CEP170B: variants seen among roughly 807,000 people sequenced by gnomAD.
CEP170B encodes the protein centrosomal protein of 170 kDa protein B.
CEP170B carries 55 observed loss-of-function variants against 120.6 expected under a neutral mutation model. The ratio of observed to expected loss-of-function variants is 0.46; its 90% confidence interval spans 0.37 to 0.57. The LOEUF (loss-of-function observed/expected upper bound fraction) is 0.57. CEP170B is among the 20% of genes least tolerant of loss of function. The pLI, the probability that CEP170B is intolerant of heterozygous loss-of-function variation, is 0.00. For synonymous variants in CEP170B, 1,033 were observed against 954.5 expected (o/e 1.08, Z -1.52); for missense variants, 2,212 against 2,253.3 (o/e 0.98, Z 0.37).
At position 104,869,173 on chromosome 14, in the gene CEP170B, CAA is replaced by C. The variant is rs898585925; in HGVS notation, c.105+620_105+621del. Among the ~76,000 whole-genome samples, 41 of 152,314 alleles carry C rather than the reference CAA, an allele frequency of 2.7e-4. 1 individual carries two copies. Among genetic ancestry groups the C allele is most frequent in the Admixed American group, 2.5e-3 (38 of 15,308 alleles). On this transcript the variant is annotated intron_variant, in intron 2 of 18. Coordinates refer to ENST00000414716, the MANE Select transcript of CEP170B (RefSeq NM_001112726.3). ...GGCTTGCGATCTGGCTGTTTGAGAA[CAA>C]AGAGCAGGGGTGGTGAGCTAACCCC...
At position 104,886,547 on chromosome 14, in the gene CEP170B, C is replaced by T. The variant is rs769873587; in HGVS notation, c.2308C>T (p.Arg770Cys). ...EPGVEPQDSR[R>C]RSPQEGPTWS... ...AGGGGTGGAGCCACAGGACAGCAGACGCAGGAGCCCCCAGGAGGGGCCCAC... is the reference window on the plus strand; with the variant it reads ...AGGGGTGGAGCCACAGGACAGCAGATGCAGGAGCCCCCAGGAGGGGCCCAC... The change falls in exon 12 of 19, where the codon CGC becomes TGC. Residue 770 changes from arginine to cysteine, a missense_variant. Arg to Cys is a radical substitution (Grantham distance 180). Coordinates refer to ENST00000414716, the MANE Select transcript of CEP170B (RefSeq NM_001112726.3). The T allele has an allele frequency of 1.1e-4, 164 of 1,508,592 alleles. No homozygotes were observed. The highest frequency in any genetic ancestry group is 1.3e-4 in the Non-Finnish European group (147 of 1,132,234). 93.5% of individuals were successfully genotyped at this position (1,508,592 alleles called of 1,614,324 possible).
In CEP170B at chr14:104,887,430, A is replaced by G. The variant is rs200248340; in HGVS notation, c.3191A>G (p.Asn1064Ser). 3.7e-6 allele frequency: 6 copies of G among 1,611,534 alleles called. No homozygotes were observed. In the East Asian group the frequency reaches 8.9e-5, roughly 24 times the overall value. Residue 1064 changes from asparagine to serine, a missense_variant, in exon 12 of 19, where the codon AAC (asparagine) becomes AGC (serine). Physicochemically the swap from Asn to Ser is conservative, Grantham distance 46. This residue lies in a region of CEP170B where 2,166 missense variants were observed against 2,166.7 expected (regional missense o/e 1.00). Transcript: ENST00000414716. The stretch of plus-strand genomic sequence containing the variant: ...CCCAGCTCAGATGTGATGGCCTCCA[A>G]CCACGAAACCCCTGAGGCCACCGGG... ...HLPSSDVMASNHETPEATGAG... is the reference protein window; with the variant it reads ...HLPSSDVMASSHETPEATGAG...
intron 4 of CEP170B, 48 bp from the exon 5 acceptor site, chr14:104,878,395 C>A (rs747849575): frequency 4.4e-6 from 7 of 1,593,840 alleles, no homozygotes; most frequent in Non-Finnish European, 3.4e-6. Context: ...GACTTCAGCG[C>A]TGGGCTCCTG....
Position 104,877,900 on chromosome 14 carries a change from A to T in CEP170B, c.211A>T (p.Met71Leu). The change falls in exon 4 of 19, where the codon ATG becomes TTG. Residue 71 changes from methionine (M) to leucine (L), a missense_variant. Coordinates refer to ENST00000414716, the MANE Select transcript of CEP170B (RefSeq NM_001112726.3). ...GSLNGTFVND[M>L]RIPDQKYVTL... ...TTTCCTGCAGACGTTTGTGAATGAC[A>T]TGCGCATCCCGGACCAGAAGTACGT... The T allele has an allele frequency of 7.2e-7, 1 of 1,381,176 alleles. No homozygotes were observed. The highest frequency in any genetic ancestry group is 9.7e-7 in the Non-Finnish European group (1 of 1,032,246). 85.6% of individuals were successfully genotyped at this position (1,381,176 alleles called of 1,614,324 possible).
intron 10 of CEP170B, 49 bp downstream of exon 10, chr14:104,885,591 C>T: frequency 6.6e-7 from 1 of 1,515,568 alleles, no homozygotes; most frequent in Non-Finnish European, 8.8e-7. Flanking sequence ...AGGAAGAGGG[C>T]AGCATCCAAG....
At chr14:104,885,293 G>T (rs1248533956) in intron 9 of CEP170B, 76 bp from the exon 10 acceptor site, 5 of 1,437,854 alleles carry the variant, frequency 3.5e-6, no homozygotes, top group Non-Finnish European at 3.7e-6. Flanking sequence ...GTGGCCTGGG[G>T]GTGGCCAGTG....
At chr14:104,880,513 C>G (rs566772270) in intron 6 of CEP170B, 88 bp downstream of exon 6, 3 of 1,537,598 alleles carry the variant, frequency 2.0e-6, no homozygotes, top group South Asian at 2.4e-5. Context: ...CCCCTTAACC[C>G]TCTGCATGCA....
chr14:104,888,071 C>A, intron 12 of CEP170B, 93 bp downstream of exon 12: 1 of 1,339,030 alleles, frequency 7.5e-7, no homozygotes, highest in South Asian at 1.5e-5. Context: ...TGGCCGTGGG[C>A]CCCTGGTCCT....
chr14:104,884,269 C>T lies in CEP170B; in HGVS notation c.1490C>T (p.Ser497Phe). Residue 497 changes from serine to phenylalanine, a missense_variant, in exon 9 of 19, where the codon TCC becomes TTC. Transcript: ENST00000414716. ...ARPFGSVGRR[S>F]RLAQDFMAQC... is the part of the protein sequence containing the mutation. Reference sequence around the variant, plus strand: ...CCCTTCGGAAGCGTGGGGCGCCGCTCCCGCCTGGCCCAGGACTTCATGGCC... The same window carrying T: ...CCCTTCGGAAGCGTGGGGCGCCGCTTCCGCCTGGCCCAGGACTTCATGGCC... The T allele has an allele frequency of 1.3e-6, 2 of 1,543,782 alleles. No homozygotes were observed. The highest frequency in any genetic ancestry group is 4.9e-5 in the East Asian group (2 of 40,856).
chr14:104,882,180 C>G (rs1205275351), intron 6 of CEP170B, among the ~76,000 whole-genome samples: 1 of 152,144 alleles, frequency 6.6e-6, no homozygotes, highest in Non-Finnish European at 1.5e-5. Flanking sequence ...TATACAATTT[C>G]CCTCCTGGTC....
chr14:104,884,002 T>C lies in CEP170B; in HGVS notation c.1223T>C (p.Phe408Ser). 2 of 1,611,010 alleles carry C rather than the reference T, an allele frequency of 1.2e-6. No individual in the cohort carries two copies. The highest frequency in any genetic ancestry group is 1.7e-6 in the Non-Finnish European group (2 of 1,178,960). The part of the protein sequence containing the change: ...LHNQQAFVIE[F>S]FDEDTPRKKR... Reference sequence around the variant, plus strand: ...AACCAGCAGGCCTTTGTCATCGAGTTCTTCGACGAGGACACACCCCGAAAG... The same window carrying C: ...AACCAGCAGGCCTTTGTCATCGAGTCCTTCGACGAGGACACACCCCGAAAG... Residue 408 changes from phenylalanine to serine, a missense_variant, in exon 9 of 19, where the codon TTC becomes TCC. By Grantham distance (155) the Phe-to-Ser change is radical. Around this residue, in one of 2 missense-constraint regions of CEP170B, gnomAD observed 2,166 missense variants for 2,166.7 expected, o/e 1.00. Coordinates refer to ENST00000414716, the MANE Select transcript of CEP170B (RefSeq NM_001112726.3).
intron 13 of CEP170B, among the ~76,000 whole-genome samples, chr14:104,890,658 AT>A (rs1896794070): frequency 1.9e-5 from 2 of 104,320 alleles, no homozygotes; most frequent in African/African-American, 3.7e-5. Context: ...GGATGAATGG[AT>A]GAGTGAGTGG....
Position 104,887,133 on chromosome 14 carries a change from G to T in CEP170B, c.2894G>T (p.Arg965Leu). ...GACACAGCCAGCACCGTCAGCCTGC[G>T]TAGTGGCAAGAGCGGGCCCAGCCCC... Reference protein sequence around the residue: ...DVDTASTVSLRSGKSGPSPTT... With the variant: ...DVDTASTVSLLSGKSGPSPTT... Residue 965 changes from arginine (R) to leucine (L), a missense_variant, in exon 12 of 19, where the codon CGT becomes CTT. Arg to Leu is a moderately radical substitution (Grantham distance 102). Coordinates refer to ENST00000414716, the MANE Select transcript of CEP170B (RefSeq NM_001112726.3). The T allele has an allele frequency of 6.2e-7, 1 of 1,610,358 alleles. No individual in the cohort carries two copies. The highest frequency in any genetic ancestry group is 8.5e-7 in the Non-Finnish European group (1 of 1,179,722).
At chr14:104,871,236 G>A (rs945832711) in intron 2 of CEP170B, among the ~76,000 whole-genome samples, 7 of 152,132 alleles carry the variant, frequency 4.6e-5, no homozygotes, top group Admixed American at 2.6e-4. Flanking sequence ...CTCTGTCCTC[G>A]GCTTCCAGCC....
In CEP170B at chr14:104,875,464, C is replaced by G. The variant is rs148547296; in HGVS notation, c.106-792C>G. 4.0e-3 allele frequency among the ~76,000 whole-genome samples: 609 copies of G among 152,204 alleles called. 6 individuals carry two copies. Among genetic ancestry groups the G allele is most frequent in the African/African-American group, 0.014 (588 of 41,534 alleles). ...AGGTTTGGGGGCAGGAGGGATGGAG[C>G]CACCACCCAGAGCCCCAGGCAGCAC... On this transcript the variant is annotated intron_variant, in intron 2 of 18. Coordinates refer to ENST00000414716, the MANE Select transcript of CEP170B (RefSeq NM_001112726.3).
chr14:104,890,161 CATGGATGG>C (rs1335815849), intron 13 of CEP170B, among the ~76,000 whole-genome samples: 7 of 12,988 alleles, frequency 5.4e-4, no homozygotes, highest in Non-Finnish European at 7.1e-4. Flanking sequence ...TGGATGGATG[CATGGATGG>C]ATGGATGGAT....
At position 104,893,641 on chromosome 14, in the gene CEP170B, A is replaced by G. The variant is rs375920845; in HGVS notation, c.4157A>G (p.Lys1386Arg). 1.3e-5 allele frequency: 20 copies of G among 1,593,248 alleles called. No individual in the cohort carries two copies. In the African/African-American group the frequency reaches 2.7e-4, roughly 21 times the overall value. ...NDSCEDALAN[K>R]TRPRNREEVI... is the part of the protein sequence containing the mutation. ...AGCTGTGAGGACGCCCTGGCCAACA[A>G]GACGCGGCCTCGGAACCGAGAGGAG... Residue 1386 changes from lysine (K) to arginine (R), a missense_variant, in exon 15 of 19, where the codon AAG becomes AGG. Transcript: ENST00000414716.
At chr14:104,872,186 C>CTG (rs199578725) in intron 2 of CEP170B, among the ~76,000 whole-genome samples, 2 of 105,992 alleles carry the variant, frequency 1.9e-5, no homozygotes, top group East Asian at 5.7e-4. Context: ...CGTGTGTGTG[C>CTG]TGTGTGTGTG....
In CEP170B at chr14:104,887,798, G is replaced by A. The variant is rs768254237; in HGVS notation, c.3559G>A (p.Glu1187Lys). The A allele has an allele frequency of 1.1e-5, 17 of 1,586,894 alleles. No individual in the cohort carries two copies. Among genetic ancestry groups the A allele is most frequent in the African/African-American group, 4.0e-5 (3 of 74,662 alleles). ...CTCCTTCACAGGGACTAGTGACCCC[G>A]AGGCAGCCCCTGCCCGCACCAGCTT... ...AGSFTGTSDP[E>K]AAPARTSFSG... Residue 1187 changes from glutamate (E) to lysine (K), a missense_variant, in exon 12 of 19, where the codon GAG becomes AAG. Glu to Lys is a moderately conservative substitution (Grantham distance 56, BLOSUM62 1). Coordinates refer to ENST00000414716, the MANE Select transcript of CEP170B (RefSeq NM_001112726.3).
Sources: allele counts gnomAD v4.1 joint callset (sites outside exome capture counted in the v4.1 genomes callset), GRCh38; gene constraint gnomAD v4.1.1; regional missense constraint gnomAD v4.1.1; transcripts MANE v1.5; gene names NCBI Gene and HGNC (gene_info 2026-07-23, HGNC 2026-07-21).